ANXA9: variants seen among roughly 807,000 people sequenced by gnomAD.
The protein encoded by ANXA9 is annexin 31.
A neutral mutation model predicts 51.8 loss-of-function variants in ANXA9; 47 were observed. The observed-to-expected ratio is 0.91, with a 90% CI of 0.72 to 1.16. The LOEUF is 1.16. Ranked by LOEUF, ANXA9 falls within the 50% of genes most tolerant of loss-of-function variation. The probability of loss-of-function intolerance (pLI) is 0.00; values close to 1 mark genes in which losing one functional copy is unlikely to be tolerated. For synonymous variants in ANXA9, 154 were observed against 168.7 expected (o/e 0.91, Z 0.68); for missense variants, 361 against 424.7 (o/e 0.85, Z 1.32).
upstream of ANXA9, among the ~76,000 whole-genome samples, chr1:150,981,129 A>G (rs1332713921): frequency 6.6e-6 from 1 of 151,756 alleles, no homozygotes; most frequent in Non-Finnish European, 1.5e-5. Context: ...TGGATATTGA[A>G]CCCTCATTCT....
In ANXA9 at chr1:150,986,323, C is replaced by T. The variant is rs1314412158; in HGVS notation, c.473-13C>T. On this transcript the variant is annotated splice_polypyrimidine_tract_variant and intron_variant, in intron 7 of 13. Coordinates refer to ENST00000368947, the MANE Select transcript of ANXA9 (RefSeq NM_003568.3). ...ACTCAGGAGGATTCAGAGAGCTCCT[C>T]ACCCCACCCCAGATTTCCAGGTGGA... 5 of 1,613,246 alleles carry T rather than the reference C, an allele frequency of 3.1e-6. No individual in the cohort carries two copies. The highest frequency in any genetic ancestry group is 1.3e-5 in the African/African-American group (1 of 74,918).
intron 12 of ANXA9, among the ~76,000 whole-genome samples, chr1:150,992,958 T>C (rs1293570863): frequency 6.6e-6 from 1 of 152,228 alleles, no homozygotes; most frequent in Non-Finnish European, 1.5e-5. Flanking sequence ...TGCATAAAAG[T>C]TAAAATGAAG....
upstream of ANXA9, among the ~76,000 whole-genome samples, chr1:150,980,930 A>C (rs1293481891): frequency 6.6e-6 from 1 of 151,538 alleles, no homozygotes; most frequent in African/African-American, 2.4e-5. Context: ...TGAGTTCAAT[A>C]GTTTTTGGGG....
chr1:150,990,616 G>A (rs1005871955), intron 12 of ANXA9, among the ~76,000 whole-genome samples: 4 of 152,224 alleles, frequency 2.6e-5, no homozygotes, highest in Non-Finnish European at 5.9e-5. Context: ...GTAGGCTGAG[G>A]CGGGTGGATT....
upstream of ANXA9, among the ~76,000 whole-genome samples, chr1:150,979,604 A>G (rs994352517): frequency 6.6e-6 from 1 of 152,102 alleles, no homozygotes; most frequent in Non-Finnish European, 1.5e-5. Flanking sequence ...CAGCCCCTTA[A>G]TATGTGGGGC....
At chr1:150,994,892 G>C (rs1671799774) in intron 13 of ANXA9, 193 bp downstream of exon 13, 1 of 795,058 alleles carries the variant, frequency 1.3e-6, no homozygotes, top group Admixed American at 6.2e-5. Flanking sequence ...AGGAGTTCAA[G>C]ACCACCCTGA....
chr1:150,994,984 C>T (rs1191500321), intron 13 of ANXA9: 2 of 289,164 alleles, frequency 6.9e-6, no homozygotes, highest in Non-Finnish European at 1.0e-5. Context: ...CCCAGCTACT[C>T]AGGAGGCTGA....
At chr1:150,987,984 G>A in intron 10 of ANXA9, 28 bp downstream of exon 10, 1 of 1,613,880 alleles carries the variant, frequency 6.2e-7, no homozygotes, top group Non-Finnish European at 8.5e-7. Context: ...TGTCCCCCTA[G>A]CTTGCTCTAA....
At chr1:150,987,083 G>C (rs587650159) in intron 9 of ANXA9, among the ~76,000 whole-genome samples, 70 of 152,184 alleles carry the variant, frequency 4.6e-4, no homozygotes, top group Middle Eastern at 3.4e-3. Context: ...AAAACAACTA[G>C]TAGGCCAGGC....
At chr1:150,992,765 G>A (rs1180347597) in intron 12 of ANXA9, among the ~76,000 whole-genome samples, 1 of 152,124 alleles carries the variant, frequency 6.6e-6, no homozygotes, top group East Asian at 1.9e-4. Flanking sequence ...CTGAATTCAC[G>A]CCACTGCATT....
At chr1:150,982,987 G>A in intron 2 of ANXA9, 103 bp from the exon 3 acceptor site, 1 of 774,384 alleles carries the variant, frequency 1.3e-6, no homozygotes, top group Non-Finnish European at 2.1e-6. Flanking sequence ...GCAAGGAAAG[G>A]AACAGGTGAC....
rs267729 is a variant in ANXA9, at chr1:150,982,367, C to A, written c.-126C>A. ...CACAACAACGACACCCACCTCACCT[C>A]TGGCACCTCTGAGTAAGTACTGGGC... On this transcript the variant is annotated 5_prime_UTR_variant, in exon 1 of 14. The change creates a new upstream start codon in the 5' untranslated region. Coordinates refer to ENST00000368947, the MANE Select transcript of ANXA9 (RefSeq NM_003568.3). 2.0e-5 allele frequency: 3 copies of A among 152,994 alleles called. 1 individual carries two copies. The South Asian group carries it at 6.2e-4, about 32-fold the overall frequency. The allele number at this position is 152,994 out of a possible 1,614,324, so 9.5% of individuals were successfully genotyped here.
chr1:150,995,187 C>T, intron 13 of ANXA9, 73 bp from the exon 14 acceptor site: 6 of 1,494,742 alleles, frequency 4.0e-6, no homozygotes, highest in Admixed American at 3.7e-5. Context: ...ATGGACCAGC[C>T]CAAAGGAGGG....
chr1:150,995,400 G>T lies in ANXA9; in HGVS notation c.*78G>T. 2.1e-6 allele frequency: 3 copies of T among 1,406,806 alleles called. No homozygotes were observed. Among genetic ancestry groups the T allele is most frequent in the Non-Finnish European group, 2.9e-6 (3 of 1,027,908 alleles). The allele number at this position is 1,406,806 out of a possible 1,614,324, so 87.1% of individuals were successfully genotyped here. On this transcript the variant is annotated 3_prime_UTR_variant, in exon 14 of 14. Transcript: ENST00000368947. ...TGGCTGAACCTGGGAGACCAGCTGG[G>T]CCTCCAAGTAGGATAACCCCTCACT...
At chr1:150,979,548 G>A (rs772937172), upstream of ANXA9, among the ~76,000 whole-genome samples, 4 of 152,222 alleles carry the variant, frequency 2.6e-5, no homozygotes, top group South Asian at 2.1e-4. Context: ...ATTCCACCCA[G>A]GAACCTGGCG....
In ANXA9 at chr1:150,995,333, C is replaced by T. The variant is rs1671824876; in HGVS notation, c.*11C>T. ...GCTGAAGACATGTGAGACTTCCCTGCCCCACCCCACATGACATCCGAGGAT... is the reference window on the plus strand; with the variant it reads ...GCTGAAGACATGTGAGACTTCCCTGTCCCACCCCACATGACATCCGAGGAT... On this transcript the variant is annotated 3_prime_UTR_variant, in exon 14 of 14. Transcript: ENST00000368947. 7 of 1,596,922 alleles carry T rather than the reference C, an allele frequency of 4.4e-6. No individual in the cohort carries two copies. The highest frequency in any genetic ancestry group is 1.3e-5 in the African/African-American group (1 of 74,194).
upstream of ANXA9, among the ~76,000 whole-genome samples, chr1:150,978,809 CA>C (rs1278527043): frequency 2.0e-5 from 3 of 151,868 alleles, no homozygotes; most frequent in Admixed American, 2.0e-4. Context: ...ACTAAAAATA[CA>C]AAAATTAGCT....
rs1671658466 is a variant in ANXA9, at chr1:150,990,014, A to G, written c.852+1673A>G. Among the ~76,000 whole-genome samples the G allele has an allele frequency of 1.3e-5, 2 of 151,932 alleles. 1 individual carries two copies. Among genetic ancestry groups the G allele is most frequent in the South Asian group, 4.2e-4 (2 of 4,818 alleles). On this transcript the variant is annotated intron_variant, in intron 12 of 13. Transcript: ENST00000368947. ...GTGTAGATAAAAGATTTATCTTAGAAGTAGTAGTCAGGGGCCAAGCATGGT... is the reference window on the plus strand; with the variant it reads ...GTGTAGATAAAAGATTTATCTTAGAGGTAGTAGTCAGGGGCCAAGCATGGT...
At chr1:150,988,973 C>CA (rs1002357378) in intron 12 of ANXA9, among the ~76,000 whole-genome samples, 13 of 141,484 alleles carry the variant, frequency 9.2e-5, no homozygotes, top group African/African-American at 3.4e-4. Flanking sequence ...ATTATCCATA[C>CA]TTTTTTTTTT....
Sources: allele counts gnomAD v4.1 joint callset (sites outside exome capture counted in the v4.1 genomes callset), GRCh38; gene constraint gnomAD v4.1.1; transcripts MANE v1.5; gene names NCBI Gene and HGNC (gene_info 2026-07-23, HGNC 2026-07-21).